The following SORCS2 variants were observed in gnomAD, a reference collection of about 807,000 sequenced individuals.
SORCS2 encodes VPS10 domain-containing receptor SorCS2.
In SORCS2, 100 loss-of-function variants were observed where a neutral mutation model predicts 141.6. The ratio of observed to expected loss-of-function variants is 0.71; its 90% CI spans 0.60 to 0.83. SORCS2 has a LOEUF of 0.83. SORCS2 is among the 40% of genes least tolerant of loss of function. The probability of loss-of-function intolerance (pLI) is 0.00; values close to 1 mark genes in which losing one functional copy is unlikely to be tolerated. For synonymous variants in SORCS2, 789 were observed against 676.9 expected (o/e 1.17, Z -2.57); for missense variants, 1,646 against 1,560.2 (o/e 1.05, Z -0.93).
At chr4:7,208,997 C>T (rs148621658) in intron 1 of SORCS2, among the ~76,000 whole-genome samples, 147 of 152,328 alleles carry the variant, frequency 9.7e-4, no homozygotes, top group Middle Eastern at 3.4e-3. Flanking sequence ...TCCCTCACCC[C>T]GGACCACACT....
chr4:7,640,225 A>AGC (rs1264749401), intron 4 of SORCS2, among the ~76,000 whole-genome samples: 1 of 106,280 alleles, frequency 9.4e-6, no homozygotes, highest in Non-Finnish European at 2.0e-5. Context: ...GGTGTGTATG[A>AGC]GCGTGTGTGT....
At chr4:7,392,369 G>A (rs555348424) in intron 1 of SORCS2, among the ~76,000 whole-genome samples, 26 of 152,296 alleles carry the variant, frequency 1.7e-4, no homozygotes, top group Middle Eastern at 3.4e-3. Context: ...GGGCTTTGGG[G>A]TTGGCTGGGA....
At chr4:7,590,529 G>C (rs1305318947) in intron 3 of SORCS2, among the ~76,000 whole-genome samples, 1 of 152,322 alleles carries the variant, frequency 6.6e-6, no homozygotes, top group Middle Eastern at 3.4e-3. Flanking sequence ...GGGACGTTGG[G>C]TGTCAGGCAG....
At chr4:7,275,092 AT>A (rs1315880402) in intron 1 of SORCS2, among the ~76,000 whole-genome samples, 1 of 152,178 alleles carries the variant, frequency 6.6e-6, no homozygotes, top group East Asian at 1.9e-4. Context: ...TCCAAAATGC[AT>A]CATATAATTT....
At chr4:7,613,705 T>A (rs1718572707) in intron 3 of SORCS2, among the ~76,000 whole-genome samples, 1 of 152,146 alleles carries the variant, frequency 6.6e-6, no homozygotes, top group African/African-American at 2.4e-5. Context: ...AAGCTGCTAC[T>A]GAATGCCCAG....
At chr4:7,344,060 A>G (rs1720517938) in intron 1 of SORCS2, among the ~76,000 whole-genome samples, 1 of 152,324 alleles carries the variant, frequency 6.6e-6, no homozygotes, top group African/African-American at 2.4e-5. Context: ...CCTGCAAGTG[A>G]ATACTGACAC....
At chr4:7,361,505 T>C (rs1721576144) in intron 1 of SORCS2, among the ~76,000 whole-genome samples, 1 of 152,162 alleles carries the variant, frequency 6.6e-6, no homozygotes, top group South Asian at 2.1e-4. Flanking sequence ...CTTCTCACGC[T>C]GGGCCGCCTG....
At chr4:7,425,589 C>T (rs930741152) in intron 2 of SORCS2, among the ~76,000 whole-genome samples, 1 of 152,210 alleles carries the variant, frequency 6.6e-6, no homozygotes, top group Non-Finnish European at 1.5e-5. Context: ...AGAGAAACGT[C>T]AGAGGCTTCT....
intron 18 of SORCS2, among the ~76,000 whole-genome samples, chr4:7,718,585 CAG>C (rs1291931476): frequency 1.3e-5 from 2 of 152,182 alleles, no homozygotes; most frequent in South Asian, 4.1e-4. Context: ...TTATGAAAAA[CAG>C]AAAGTTAAAA....
At chr4:7,545,512 G>A (rs1560375124) in intron 3 of SORCS2, among the ~76,000 whole-genome samples, 1 of 152,166 alleles carries the variant, frequency 6.6e-6, no homozygotes, top group Non-Finnish European at 1.5e-5. Context: ...GGCGTAAGCA[G>A]CATCCCCCAG....
intron 1 of SORCS2, among the ~76,000 whole-genome samples, chr4:7,354,786 G>A (rs892810224): frequency 1.3e-5 from 2 of 152,202 alleles, no homozygotes; most frequent in Non-Finnish European, 2.9e-5. Context: ...GAGCCCTGGG[G>A]CTCTGCACTG....
At position 7,434,149 on chromosome 4, in the gene SORCS2, G is replaced by T. The variant is rs200558117; in HGVS notation, c.548+37794G>T. 1.3e-4 allele frequency: 208 copies of T among 1,613,828 alleles called. No individual in the cohort carries two copies. In the African/African-American group the frequency reaches 2.4e-3, roughly 18 times the overall value. On this transcript the variant is annotated intron_variant, in intron 2 of 26. Coordinates refer to ENST00000507866, the MANE Select transcript of SORCS2 (RefSeq NM_020777.3). ...TCCCCCCTTCCTGCAGAGCTCCTGC[G>T]GGGGGAGAAGCCTCAGTGCTTGGTC...
chr4:7,305,287 T>C (rs1198188143), intron 1 of SORCS2, among the ~76,000 whole-genome samples: 1 of 151,432 alleles, frequency 6.6e-6, no homozygotes, highest in Non-Finnish European at 1.5e-5. Context: ...CGCCTCGGCC[T>C]CCCAAAGTGC....
intron 1 of SORCS2, among the ~76,000 whole-genome samples, chr4:7,297,265 C>T (rs1314516937): frequency 6.6e-6 from 1 of 152,160 alleles, no homozygotes; most frequent in Non-Finnish European, 1.5e-5. Context: ...TGCTCAGAGC[C>T]TGAGGGAGGA....
At chr4:7,727,793 T>C (rs1390736424) in intron 21 of SORCS2, among the ~76,000 whole-genome samples, 1 of 152,200 alleles carries the variant, frequency 6.6e-6, no homozygotes, top group Non-Finnish European at 1.5e-5. Flanking sequence ...GGTTAAAGTT[T>C]ATCTCTGGAG....
chr4:7,695,912 ATGGATGGATGGATTGGTGGGTGGGTGGG>A, intron 11 of SORCS2, among the ~76,000 whole-genome samples: 1 of 95,074 alleles, frequency 1.1e-5, no homozygotes, highest in African/African-American at 3.9e-5. Context: ...GGATGGATGG[ATGGATGGATGGATTGGTGGGTGGGTGGG>A]TGGATGGATG....
At chr4:7,324,041 GA>G (rs1450244982) in intron 1 of SORCS2, among the ~76,000 whole-genome samples, 2 of 152,212 alleles carry the variant, frequency 1.3e-5, no homozygotes, top group Non-Finnish European at 2.9e-5. Flanking sequence ...CTCTCACAGG[GA>G]TCTCCTGTTT....
chr4:7,438,167 C>A (rs1478452441), intron 2 of SORCS2, among the ~76,000 whole-genome samples: 1 of 152,234 alleles, frequency 6.6e-6, no homozygotes, highest in Non-Finnish European at 1.5e-5. Flanking sequence ...AGTCCAGGCT[C>A]ACACGATGCA....
intron 1 of SORCS2, among the ~76,000 whole-genome samples, chr4:7,383,003 C>A (rs1441029617): frequency 3.9e-5 from 6 of 152,132 alleles, no homozygotes; most frequent in Admixed American, 3.9e-4. Context: ...ACCAACACAG[C>A]CATAAAATAC....
Sources: allele counts gnomAD v4.1 joint callset (sites outside exome capture counted in the v4.1 genomes callset), GRCh38; gene constraint gnomAD v4.1.1; transcripts MANE v1.5; gene names NCBI Gene and HGNC (gene_info 2026-07-23, HGNC 2026-07-21).